KLF13: variants seen among roughly 807,000 people sequenced by gnomAD.
KLF13 encodes the protein KLF transcription factor 13, also known as Krueppel-like factor 13.
In KLF13, 8 loss-of-function variants were observed where a neutral mutation model predicts 16.7. The ratio of observed to expected loss-of-function variants is 0.48; its 90% CI spans 0.28 to 0.87. The LOEUF is 0.87. Among genes scored for constraint, KLF13 ranks in the 40% least tolerant of loss-of-function variants. The probability of loss-of-function intolerance (pLI) is 0.10; values close to 1 mark genes in which losing one functional copy is unlikely to be tolerated. For missense variants in KLF13, 447 were observed against 452.2 expected (o/e 0.99, Z 0.10); for synonymous variants, 245 against 208.4 (o/e 1.18, Z -1.51).
chr15:31,434,187 A>G, intron 1 of KLF13, among the ~76,000 whole-genome samples: 1 of 152,108 alleles, frequency 6.6e-6, no homozygotes, highest in East Asian at 1.9e-4. Flanking sequence ...AACTCTCAAT[A>G]TCCCCATTCT....
At chr15:31,381,150 C>A (rs376650483), downstream of KLF13, among the ~76,000 whole-genome samples, 2 of 126,820 alleles carry the variant, frequency 1.6e-5, no homozygotes, top group Non-Finnish European at 3.2e-5. Flanking sequence ...CCTGCCTGGG[C>A]GACAGTGCAA....
At chr15:31,365,309 G>C (rs577411198) in intron 1 of KLF13, among the ~76,000 whole-genome samples, 9 of 152,190 alleles carry the variant, frequency 5.9e-5, no homozygotes, top group Non-Finnish European at 1.2e-4. Context: ...CGCTCCAGAG[G>C]TCTGTTGTAT....
chr15:31,433,246 G>A (rs931167902), intron 1 of KLF13, among the ~76,000 whole-genome samples: 22 of 152,288 alleles, frequency 1.4e-4, no homozygotes, highest in Admixed American at 2.0e-4. Context: ...GGAGTTATGC[G>A]TTCTGGCTGG....
chr15:31,407,075 T>A (rs1438254925), downstream of KLF13, among the ~76,000 whole-genome samples: 2 of 152,224 alleles, frequency 1.3e-5, no homozygotes, highest in African/African-American at 4.8e-5. Context: ...ACCATTATTT[T>A]GTCTACTACA....
chr15:31,351,633 A>G (rs1022415589), intron 1 of KLF13, among the ~76,000 whole-genome samples: 1 of 152,190 alleles, frequency 6.6e-6, no homozygotes, highest in Non-Finnish European at 1.5e-5. Context: ...AGGAAGGATG[A>G]GTGTGCTACC....
intron 1 of KLF13, among the ~76,000 whole-genome samples, chr15:31,432,857 G>A (rs990785547): frequency 1.3e-5 from 2 of 152,028 alleles, no homozygotes; most frequent in East Asian, 3.9e-4. Flanking sequence ...GCTCATGCCT[G>A]TAATCCCAAC....
At chr15:31,348,392 A>G (rs1248004715) in intron 1 of KLF13, among the ~76,000 whole-genome samples, 4 of 152,356 alleles carry the variant, frequency 2.6e-5, no homozygotes, top group Non-Finnish European at 5.9e-5. Flanking sequence ...ACGCCGCACC[A>G]CATGCTTTTT....
upstream of KLF13, among the ~76,000 whole-genome samples, chr15:31,391,541 G>A (rs951992743): frequency 1.3e-5 from 2 of 152,106 alleles, no homozygotes; most frequent in Admixed American, 1.3e-4. Flanking sequence ...GGGTCAGCTC[G>A]GGGCTGGGCC....
chr15:31,428,705 G>C (rs2040428491), intron 1 of KLF13, among the ~76,000 whole-genome samples: 1 of 150,088 alleles, frequency 6.7e-6, no homozygotes, highest in Non-Finnish European at 1.5e-5. Context: ...CTACTCGGGA[G>C]GCTGAGGCAG....
intron 1 of KLF13, among the ~76,000 whole-genome samples, chr15:31,333,381 C>G (rs74010615): frequency 0.056 from 8,593 of 152,202 alleles, 820 homozygotes; most frequent in African/African-American, 0.2. Context: ...TGTTTCAGGT[C>G]ACTGCAGGTG....
chr15:31,382,472 G>C (rs1234864178), downstream of KLF13, among the ~76,000 whole-genome samples: 1 of 152,178 alleles, frequency 6.6e-6, no homozygotes, highest in Non-Finnish European at 1.5e-5. Context: ...AGTTCTAAAG[G>C]CTTCTAACCT....
intron 1 of KLF13, among the ~76,000 whole-genome samples, chr15:31,386,384 A>C (rs985168773): frequency 6.6e-6 from 1 of 152,232 alleles, no homozygotes; most frequent in Non-Finnish European, 1.5e-5. Flanking sequence ...CTGTAATCCT[A>C]GCTACTTGAA....
intron 1 of KLF13, chr15:31,420,119 G>A: frequency 2.5e-6 from 1 of 393,910 alleles, no homozygotes; most frequent in Non-Finnish European, 4.8e-6. Flanking sequence ...TGAAGGAGAA[G>A]GCAGCCAAGT....
At chr15:31,434,221 A>G (rs1479491924) in intron 1 of KLF13, among the ~76,000 whole-genome samples, 1 of 152,156 alleles carries the variant, frequency 6.6e-6, no homozygotes, top group Admixed American at 6.5e-5. Flanking sequence ...TGAGGCTCAG[A>G]GAGGTAAGTG....
chr15:31,402,759 T>TTC (rs1162727316), intron 2 of KLF13, among the ~76,000 whole-genome samples: 1 of 152,190 alleles, frequency 6.6e-6, no homozygotes, highest in Non-Finnish European at 1.5e-5. Flanking sequence ...CTAGACTTGT[T>TTC]TCTGTCAGAG....
chr15:31,380,731 A>C (rs2039713234), downstream of KLF13, among the ~76,000 whole-genome samples: 1 of 152,242 alleles, frequency 6.6e-6, no homozygotes, highest in Non-Finnish European at 1.5e-5. Context: ...CGTGGAAAGC[A>C]GTAAAGACAT....
chr15:31,349,000 C>T (rs1266089516), intron 1 of KLF13, among the ~76,000 whole-genome samples: 1 of 152,164 alleles, frequency 6.6e-6, no homozygotes, highest in Non-Finnish European at 1.5e-5. Context: ...ACATTATCAC[C>T]TTCCAGAGGC....
At chr15:31,344,199 C>T (rs1016864138) in intron 1 of KLF13, among the ~76,000 whole-genome samples, 1 of 152,220 alleles carries the variant, frequency 6.6e-6, no homozygotes, top group Non-Finnish European at 1.5e-5. Context: ...TCCCCACACC[C>T]ATACCCATCT....
intron 1 of KLF13, among the ~76,000 whole-genome samples, chr15:31,369,432 T>C (rs2039523637): frequency 6.6e-6 from 1 of 152,264 alleles, no homozygotes; most frequent in Admixed American, 6.5e-5. Flanking sequence ...AGAACCGAGC[T>C]TGGCTCGGAG....
Sources: allele counts gnomAD v4.1 joint callset (sites outside exome capture counted in the v4.1 genomes callset), GRCh38; gene constraint gnomAD v4.1.1; transcripts MANE v1.5; gene names NCBI Gene and HGNC (gene_info 2026-07-23, HGNC 2026-07-21).